RUNX1T1: variants seen among roughly 807,000 people sequenced by gnomAD.
RUNX1T1 encodes protein CBFA2T1.
A neutral mutation model predicts 62.8 loss-of-function variants in RUNX1T1; 4 were observed. The observed-to-expected ratio is 0.06, with a 90% CI of 0.03 to 0.15. The LOEUF is 0.15. RUNX1T1 is among the 10% of genes least tolerant of loss of function. RUNX1T1 has a pLI of 1.00. For missense variants in RUNX1T1, 508 were observed against 754.3 expected (o/e 0.67, Z 3.82); for synonymous variants, 291 against 286.0 (o/e 1.02, Z -0.18).
chr8:92,082,607 CT>C (rs558894631), intron 1 of RUNX1T1, among the ~76,000 whole-genome samples: 1 of 152,206 alleles, frequency 6.6e-6, no homozygotes, highest in Non-Finnish European at 1.5e-5. Context: ...CCGAAACTGT[CT>C]CTTTCAATAA....
At chr8:91,980,993 T>A (rs773615311) in intron 8 of RUNX1T1, among the ~76,000 whole-genome samples, 1 of 152,080 alleles carries the variant, frequency 6.6e-6, no homozygotes, top group South Asian at 2.1e-4. Context: ...TTTTTGAGAA[T>A]GCACATCTAA....
intron 2 of RUNX1T1, among the ~76,000 whole-genome samples, chr8:92,072,613 C>A (rs918717041): frequency 6.6e-6 from 1 of 152,202 alleles, no homozygotes; most frequent in Non-Finnish European, 1.5e-5. Flanking sequence ...ATGAAAACAA[C>A]TGGCATGCTG....
At chr8:91,980,438 A>G (rs922965337) in intron 8 of RUNX1T1, among the ~76,000 whole-genome samples, 8 of 152,208 alleles carry the variant, frequency 5.3e-5, no homozygotes, top group African/African-American at 1.7e-4. Flanking sequence ...ATTTTTCCAT[A>G]GCCTTGTATT....
At chr8:92,076,690 AAAATATTAATGAAAC>A in intron 1 of RUNX1T1, among the ~76,000 whole-genome samples, 1 of 152,110 alleles carries the variant, frequency 6.6e-6, no homozygotes, top group Admixed American at 6.6e-5. Flanking sequence ...GAATAGTTAA[AAAATATTAATGAAAC>A]AAATATTGTT....
intron 5 of RUNX1T1, among the ~76,000 whole-genome samples, chr8:91,999,812 G>T (rs551635591): frequency 1.3e-5 from 2 of 152,244 alleles, no homozygotes; most frequent in East Asian, 3.9e-4. Context: ...AGGCCATGAG[G>T]TATTAATAGA....
intron 1 of RUNX1T1, among the ~76,000 whole-genome samples, chr8:92,055,699 A>G (rs1414533240): frequency 1.3e-5 from 2 of 152,188 alleles, no homozygotes; most frequent in Non-Finnish European, 2.9e-5. Flanking sequence ...ATCATTTTCT[A>G]TATTTTCTAA....
chr8:92,100,997 TAACA>T (rs965518457), upstream of RUNX1T1, among the ~76,000 whole-genome samples: 1 of 152,210 alleles, frequency 6.6e-6, no homozygotes, highest in Non-Finnish European at 1.5e-5. Flanking sequence ...CCCCCAACAC[TAACA>T]AACCGTTTAT....
At chr8:92,004,981 A>T in intron 5 of RUNX1T1, 135 bp downstream of exon 6, 2 of 742,114 alleles carry the variant, frequency 2.7e-6, no homozygotes, top group Non-Finnish European at 4.2e-6. Context: ...CAGATTCTCA[A>T]GATGGCCACA....
intron 1 of RUNX1T1, among the ~76,000 whole-genome samples, chr8:92,046,713 T>G (rs892311217): frequency 6.6e-6 from 1 of 152,292 alleles, no homozygotes; most frequent in Middle Eastern, 3.4e-3. Flanking sequence ...CTTCAGCAAA[T>G]GCCTGTTTTG....
chr8:92,092,736 C>G (rs1837222120), intron 1 of RUNX1T1, among the ~76,000 whole-genome samples: 1 of 152,118 alleles, frequency 6.6e-6, no homozygotes, highest in Admixed American at 6.5e-5. Flanking sequence ...ATGGAAACCT[C>G]TTTTATAGTC....
exon 11 of RUNX1T1, chr8:91,959,941 T>C: frequency 2.4e-6 from 1 of 415,526 alleles, no homozygotes; most frequent in Non-Finnish European, 4.4e-6. Context: ...TCCCAGCTAC[T>C]TGAAAATAAC....
chr8:91,974,252 C>T (rs1057500012), intron 9 of RUNX1T1, among the ~76,000 whole-genome samples: 1 of 152,084 alleles, frequency 6.6e-6, no homozygotes, highest in Admixed American at 6.6e-5. Context: ...CGTCCAATTG[C>T]TTACCACTTA....
At chr8:92,095,783 C>G in intron 1 of RUNX1T1, 1 of 329,824 alleles carries the variant, frequency 3.0e-6, no homozygotes, top group Non-Finnish European at 5.5e-6. Flanking sequence ...GGCTAGAAGT[C>G]GCCTGCATGC....
chr8:92,094,959 G>T, intron 1 of RUNX1T1: 1 of 1,128,424 alleles, frequency 8.9e-7, no homozygotes, highest in Non-Finnish European at 1.3e-6. Flanking sequence ...CCTTTATCGA[G>T]TCTCTTTAAA....
chr8:92,080,440 C>G (rs543536073), intron 1 of RUNX1T1, among the ~76,000 whole-genome samples: 1 of 152,248 alleles, frequency 6.6e-6, no homozygotes, highest in African/African-American at 2.4e-5. Flanking sequence ...ACGACATCCA[C>G]GGCTATGAAG....
At chr8:92,038,580 C>A (rs1827848006) in intron 1 of RUNX1T1, among the ~76,000 whole-genome samples, 1 of 152,062 alleles carries the variant, frequency 6.6e-6, no homozygotes, top group East Asian at 1.9e-4. Context: ...TGAGCCCAAG[C>A]ATATCCAACA....
intron 6 of RUNX1T1, among the ~76,000 whole-genome samples, chr8:91,989,654 CA>C (rs1394757935): frequency 6.6e-6 from 1 of 152,144 alleles, no homozygotes; most frequent in Non-Finnish European, 1.5e-5. Context: ...AACACATCTA[CA>C]AAATGGGATC....
exon 1 of RUNX1T1, chr8:92,062,691 G>A: frequency 1.9e-6 from 3 of 1,611,688 alleles, no homozygotes; most frequent in Non-Finnish European, 2.5e-6. Context: ...GCCGGAGGCA[G>A]GGTGCTGGGC....
At chr8:92,005,502 C>A in intron 4 of RUNX1T1, 1 of 525,068 alleles carries the variant, frequency 1.9e-6, no homozygotes, top group South Asian at 2.8e-5. Context: ...GGTGACTGAC[C>A]CTTGTACATC....
Sources: gnomAD v4.1 joint callset for allele counts (sites outside exome capture counted in the v4.1 genomes callset) on GRCh38, gnomAD v4.1.1 for gene constraint, MANE v1.5 for transcripts, NCBI Gene and HGNC (gene_info 2026-07-23, HGNC 2026-07-21) for gene names.